GLI2: variants seen among roughly 807,000 people sequenced by gnomAD.
The protein encoded by GLI2 is GLI family zinc finger 2, also known as transcription activator GLI2.
A neutral mutation model predicts 78.9 loss-of-function variants in GLI2; 22 were observed. That is an observed-to-expected ratio of 0.28 (90% CI 0.20 to 0.40). The LOEUF is 0.40. Ranked by LOEUF, GLI2 falls within the 10% of genes least tolerant of loss-of-function variation. The pLI is 1.00. For synonymous variants in GLI2, 974 were observed against 963.7 expected, an observed-to-expected ratio of 1.01 and a Z score of -0.20; for missense variants, 2,097 against 2,213.2, an observed-to-expected ratio of 0.95 and a Z score of 1.05.
In GLI2 at chr2:120,876,466, G is replaced by A. The variant is rs1196527452; in HGVS notation, c.149-50895G>A. Reference sequence around the variant, plus strand: ...CTGCTCCAGCAGCCACACTTCCCCCGGAAGCTCACTGATATTCTCCCAGCA... The same window carrying A: ...CTGCTCCAGCAGCCACACTTCCCCCAGAAGCTCACTGATATTCTCCCAGCA... On this transcript the variant is annotated intron_variant, in intron 2 of 13. Coordinates refer to ENST00000361492, the MANE Select transcript of GLI2 (RefSeq NM_001374353.1). Among the ~76,000 whole-genome samples the A allele has an allele frequency of 3.3e-5, 5 of 152,148 alleles. No individual in the cohort carries two copies. The East Asian group carries it at 7.7e-4, about 24-fold the overall frequency.
At chr2:120,871,566 G>C (rs1340124243) in intron 2 of GLI2, among the ~76,000 whole-genome samples, 2 of 152,212 alleles carry the variant, frequency 1.3e-5, no homozygotes, top group Non-Finnish European at 2.9e-5. Context: ...CTAATCATGG[G>C]CTGATCTGTG....
chr2:120,885,701 G>A (rs768897163), intron 2 of GLI2, among the ~76,000 whole-genome samples: 16 of 152,202 alleles, frequency 1.1e-4, no homozygotes, highest in Non-Finnish European at 1.8e-4. Context: ...TTGAGGCCAC[G>A]GGGAGGATTA....
chr2:120,916,644 C>T (rs1679113490), intron 2 of GLI2, among the ~76,000 whole-genome samples: 1 of 152,252 alleles, frequency 6.6e-6, no homozygotes, highest in South Asian at 2.1e-4. Flanking sequence ...TCTGTGGCCT[C>T]CAGAGCCCAT....
rs768591353 is a variant in GLI2 at position 120,989,329 on chromosome 2, A to G, written c.3364A>G (p.Lys1122Glu). 1.4e-5 allele frequency: 23 copies of G among 1,613,022 alleles called. No individual in the cohort carries two copies. The East Asian group carries it at 3.1e-4, about 22-fold the overall frequency. ...CTTTGGGGCGCCCTCCAGCCTGAAC[A>G]AAAATAACATGCCTGTGCAGTGGAA... ...LGFGAPSSLN[K>E]NNMPVQWNEV... The change falls in exon 14 of 14, where the codon AAA (lysine) becomes GAA (glutamate). Residue 1122 changes from lysine (K) to glutamate (E), a missense_variant. Transcript: ENST00000361492.
intron 5 of GLI2, among the ~76,000 whole-genome samples, chr2:120,966,152 G>A (rs931153381): frequency 2.0e-5 from 3 of 152,144 alleles, no homozygotes; most frequent in African/African-American, 7.2e-5. Context: ...TGAAAATAAA[G>A]TATACCAAGT....
intron 2 of GLI2, among the ~76,000 whole-genome samples, chr2:120,903,620 C>T (rs1303021835): frequency 6.6e-6 from 1 of 152,174 alleles, no homozygotes; most frequent in Non-Finnish European, 1.5e-5. Context: ...AGACTTAGCT[C>T]GCTGGTCCTT....
chr2:120,970,943 C>T (rs13432231), intron 7 of GLI2, among the ~76,000 whole-genome samples: 6,255 of 152,290 alleles, frequency 0.041, 153 homozygotes, highest in Middle Eastern at 0.065. Flanking sequence ...TGTGCAGTTT[C>T]GTTGTAGAAT....
chr2:120,932,981 C>T (rs75399395), intron 3 of GLI2, among the ~76,000 whole-genome samples: 5 of 152,136 alleles, frequency 3.3e-5, no homozygotes, highest in East Asian at 3.9e-4. Context: ...CCAGGAGCAG[C>T]GGGGAGTGGT....
At chr2:120,949,701 A>G (rs771410973) in intron 3 of GLI2, among the ~76,000 whole-genome samples, 18 of 152,222 alleles carry the variant, frequency 1.2e-4, no homozygotes, top group Non-Finnish European at 2.2e-4. Flanking sequence ...TGGGATCTAC[A>G]TGAGCAGGGC....
chr2:120,814,022 A>ATC (rs1312916111), intron 2 of GLI2, among the ~76,000 whole-genome samples: 1 of 151,966 alleles, frequency 6.6e-6, no homozygotes, highest in African/African-American at 2.4e-5. Context: ...CCCCGAGAAC[A>ATC]ACTGGAGCTT....
intron 1 of GLI2, among the ~76,000 whole-genome samples, chr2:120,757,373 T>C (rs1469981848): frequency 6.6e-6 from 1 of 152,210 alleles, no homozygotes; most frequent in Admixed American, 6.5e-5. Context: ...CAAAGTTTAA[T>C]TTTTTTAGCT....
At chr2:120,879,434 C>T (rs1245604340) in intron 2 of GLI2, among the ~76,000 whole-genome samples, 2 of 152,118 alleles carry the variant, frequency 1.3e-5, no homozygotes, top group African/African-American at 2.4e-5. Flanking sequence ...TTGGAGGGAG[C>T]CCCAGAGTGA....
Position 120,986,463 on chromosome 2 carries a change from T to C in GLI2, c.2091T>C (p.Ala697=), listed in dbSNP as rs1267799792. 1 of 1,613,884 alleles carries C rather than the reference T, an allele frequency of 6.2e-7. No homozygotes were observed. Among genetic ancestry groups the C allele is most frequent in the African/African-American group, 1.3e-5 (1 of 74,944 alleles). The change falls in exon 13 of 14, where the codon GCT becomes GCC. Residue 697 remains alanine, a synonymous_variant. Transcript: ENST00000361492. ...ADTSALAAPS[A]GGLQLRKHMT... ...CCTCAGCCCTGGCTGCCCCCTCCGC[T>C]GGTGGCCTCCAGCTGCGCAAACACA...
At chr2:120,801,298 C>G (rs1242821853) in intron 2 of GLI2, among the ~76,000 whole-genome samples, 1 of 152,020 alleles carries the variant, frequency 6.6e-6, no homozygotes, top group Non-Finnish European at 1.5e-5. Flanking sequence ...ACCACCATGC[C>G]CGGCTAATTT....
chr2:120,802,542 C>A (rs1258258533), intron 2 of GLI2, among the ~76,000 whole-genome samples: 1 of 152,196 alleles, frequency 6.6e-6, no homozygotes, highest in Non-Finnish European at 1.5e-5. Flanking sequence ...AGATGTTTCT[C>A]ATTGCTTTAT....
rs774869560 is a variant in GLI2 at position 120,970,603 on chromosome 2, C to A, written c.1056C>A (p.Asn352Lys). ...GCAGCAACTGTCTGAGTGACACCAA[C>A]CAGGTAGGTGGGTGCAGGGGCCAGG... is the stretch of plus-strand genomic sequence containing the variant. ...SSSSNCLSDT[N>K]QNKQSSESAV... The change falls in exon 7 of 14, where the codon AAC (asparagine) becomes AAA (lysine). Residue 352 changes from asparagine to lysine, a missense_variant. Coordinates refer to ENST00000361492, the MANE Select transcript of GLI2 (RefSeq NM_001374353.1). The A allele has an allele frequency of 5.0e-6, 8 of 1,613,398 alleles. No homozygotes were observed. The highest frequency in any genetic ancestry group is 2.2e-5 in the South Asian group (2 of 91,058).
At chr2:120,827,634 C>T (rs781661471) in intron 2 of GLI2, among the ~76,000 whole-genome samples, 1 of 152,272 alleles carries the variant, frequency 6.6e-6, no homozygotes, top group East Asian at 1.9e-4. Flanking sequence ...TGGAAGCTAC[C>T]CAAGGGTCCA....
chr2:120,913,152 G>A (rs1249723016), intron 2 of GLI2, among the ~76,000 whole-genome samples: 1 of 152,174 alleles, frequency 6.6e-6, no homozygotes, highest in African/African-American at 2.4e-5. Flanking sequence ...GTGTATTGAT[G>A]GGACTTTTAC....
intron 3 of GLI2, among the ~76,000 whole-genome samples, chr2:120,930,716 C>T (rs929909942): frequency 6.6e-6 from 1 of 152,242 alleles, no homozygotes; most frequent in Non-Finnish European, 1.5e-5. Context: ...CTATGTGTGC[C>T]ACGCCTTGCA....
Sources: allele counts gnomAD v4.1 joint callset (sites outside exome capture counted in the v4.1 genomes callset), GRCh38; gene constraint gnomAD v4.1.1; transcripts MANE v1.5; gene names NCBI Gene and HGNC (gene_info 2026-07-23, HGNC 2026-07-21).